The following PABPC4L variants were observed in gnomAD, a reference collection of about 807,000 sequenced individuals.
The protein encoded by PABPC4L is poly(A) binding protein cytoplasmic 4 like.
For synonymous variants in PABPC4L, 169 were observed against 164.1 expected, an observed-to-expected ratio of 1.03 and a Z score of -0.23; for missense variants, 452 against 451.4, an observed-to-expected ratio of 1.00 and a Z score of -0.01.
the PABPC4L span, among the ~76,000 whole-genome samples, chr4:134,174,603 A>C: frequency 6.6e-6 from 1 of 152,144 alleles, no homozygotes; most frequent in South Asian, 2.1e-4. Flanking sequence ...TGATCAAAAC[A>C]TAATTATGTG....
At position 134,200,967 on chromosome 4, in the gene PABPC4L, T is replaced by G. The variant is rs1272452910; in HGVS notation, c.53A>C (p.His18Pro). ...CAGCAGGTCCTCGGTGACATCTGCA[T>G]GTAAGTCACCCACATACAGGGAGGC... ...RMASLYVGDL[H>P]ADVTEDLLFR... is the part of the protein sequence containing the mutation. Residue 18 changes from histidine (H) to proline (P), a missense_variant, in exon 2 of 2, where the codon CAT becomes CCT. His to Pro is a moderately conservative substitution (Grantham distance 77). Coordinates refer to ENST00000421491, the MANE Select transcript of PABPC4L (RefSeq NM_001114734.2). 2.6e-6 allele frequency: 4 copies of G among 1,553,896 alleles called. No individual in the cohort carries two copies. Among genetic ancestry groups the G allele is most frequent in the Non-Finnish European group, 3.5e-6 (4 of 1,148,322 alleles).
At chr4:134,079,799 T>C in the PABPC4L span, among the ~76,000 whole-genome samples, 2 of 151,744 alleles carry the variant, frequency 1.3e-5, no homozygotes, top group Non-Finnish European at 2.9e-5. Context: ...ATAGCCAAGG[T>C]CCTTGGAAAA....
the PABPC4L span, among the ~76,000 whole-genome samples, chr4:134,006,344 A>G: frequency 6.6e-6 from 1 of 151,940 alleles, no homozygotes; most frequent in Non-Finnish European, 1.5e-5. Context: ...AACAAAAATA[A>G]TGCTTCTAGT....
the PABPC4L span, among the ~76,000 whole-genome samples, chr4:134,083,279 T>G: frequency 6.6e-6 from 1 of 152,150 alleles, no homozygotes; most frequent in Non-Finnish European, 1.5e-5. Context: ...TGTTATAAGC[T>G]GTAACCTATA....
the PABPC4L span, among the ~76,000 whole-genome samples, chr4:134,156,199 C>T: frequency 1.8e-4 from 27 of 152,006 alleles, no homozygotes; most frequent in East Asian, 1.9e-3. Context: ...TTAAGGTCCT[C>T]TTTGTATTTC....
chr4:134,083,334 C>T, the PABPC4L span, among the ~76,000 whole-genome samples: 4 of 151,612 alleles, frequency 2.6e-5, no homozygotes, highest in Admixed American at 6.6e-5. Flanking sequence ...CTTTACTGAT[C>T]GAGGATTGGA....
the PABPC4L span, chr4:133,978,869 T>C: frequency 6.6e-6 from 1 of 152,150 alleles, no homozygotes; most frequent in Admixed American, 6.5e-5. Context: ...ATAATAAAAT[T>C]TCTATCCAGG....
the PABPC4L span, among the ~76,000 whole-genome samples, chr4:134,016,452 T>A: frequency 1.3e-5 from 2 of 152,152 alleles, no homozygotes; most frequent in Non-Finnish European, 2.9e-5. Flanking sequence ...TTAAAGGGCA[T>A]CAGATGCCAT....
At chr4:133,957,316 C>T in the PABPC4L span, among the ~76,000 whole-genome samples, 1 of 152,122 alleles carries the variant, frequency 6.6e-6, no homozygotes, top group African/African-American at 2.4e-5. Context: ...GTGGGGCAGT[C>T]ATTAAACCTT....
chr4:134,093,904 C>T, the PABPC4L span, among the ~76,000 whole-genome samples: 1 of 151,324 alleles, frequency 6.6e-6, no homozygotes, highest in East Asian at 1.9e-4. Context: ...TATGTATTTA[C>T]ATTTTACAAT....
the PABPC4L span, among the ~76,000 whole-genome samples, chr4:134,148,858 A>T: frequency 1.3e-5 from 1 of 79,298 alleles, no homozygotes; most frequent in African/African-American, 6.0e-5. Flanking sequence ...TTGAATGAAT[A>T]ATTTTTTTTT....
the PABPC4L span, among the ~76,000 whole-genome samples, chr4:133,959,213 A>G: frequency 1.1e-3 from 164 of 152,360 alleles, no homozygotes; most frequent in African/African-American, 3.8e-3. Context: ...GTAGATAGTA[A>G]TCAGCAAGAG....
At chr4:134,067,170 T>C in the PABPC4L span, among the ~76,000 whole-genome samples, 14 of 152,142 alleles carry the variant, frequency 9.2e-5, no homozygotes, top group Non-Finnish European at 1.9e-4. Flanking sequence ...CCTGAACTTT[T>C]GCCGGTTGGT....
the PABPC4L span, among the ~76,000 whole-genome samples, chr4:134,066,375 T>A: frequency 3.5e-4 from 54 of 152,174 alleles, no homozygotes; most frequent in South Asian, 4.2e-4. Flanking sequence ...ATGCTACTGA[T>A]TTTTTTAGAT....
chr4:133,981,645 G>A, the PABPC4L span, among the ~76,000 whole-genome samples: 9 of 151,916 alleles, frequency 5.9e-5, no homozygotes, highest in Admixed American at 6.6e-5. Context: ...ATTATTTCTA[G>A]CATAATTTGA....
chr4:133,997,146 A>C, the PABPC4L span, among the ~76,000 whole-genome samples: 1 of 152,258 alleles, frequency 6.6e-6, no homozygotes, highest in African/African-American at 2.4e-5. Context: ...CCATACTGAA[A>C]TTAGGTTAAT....
At chr4:134,009,891 G>C in the PABPC4L span, among the ~76,000 whole-genome samples, 1 of 152,006 alleles carries the variant, frequency 6.6e-6, no homozygotes, top group Non-Finnish European at 1.5e-5. Flanking sequence ...GGGTATTTGG[G>C]CTGAGTTTGA....
At chr4:134,050,706 C>CAAAAAAAAA in the PABPC4L span, among the ~76,000 whole-genome samples, 33 of 82,978 alleles carry the variant, frequency 4.0e-4, no homozygotes, top group African/African-American at 1.3e-3. Context: ...CACCGTCTCC[C>CAAAAAAAAA]AAAAAAAAAA....
chr4:134,052,206 A>C, the PABPC4L span, among the ~76,000 whole-genome samples: 1 of 152,026 alleles, frequency 6.6e-6, no homozygotes, highest in Non-Finnish European at 1.5e-5. Context: ...TAGGTTGTTC[A>C]TTGCCACAAA....
Sources: allele counts gnomAD v4.1 joint callset (sites outside exome capture counted in the v4.1 genomes callset), GRCh38; gene constraint gnomAD v4.1.1; transcripts MANE v1.5; gene names NCBI Gene and HGNC (gene_info 2026-07-23, HGNC 2026-07-21).